The following ANKRD11 variants were observed in gnomAD, a reference collection of about 807,000 sequenced individuals.
ANKRD11 encodes ankyrin repeat domain 11.
ANKRD11 carries 17 observed loss-of-function variants against 195.7 expected under a neutral mutation model. The observed-to-expected ratio is 0.09, with a 90% CI of 0.06 to 0.13. The LOEUF is 0.13. Ranked by LOEUF, ANKRD11 falls within the 10% of genes least tolerant of loss-of-function variation. The probability of loss-of-function intolerance (pLI) is 1.00; values close to 1 mark genes in which losing one functional copy is unlikely to be tolerated. For synonymous variants in ANKRD11, 1,953 were observed against 1,528.1 expected, an observed-to-expected ratio of 1.28 and a Z score of -6.49; for missense variants, 3,735 against 3,566.1, an observed-to-expected ratio of 1.05 and a Z score of -1.21.
In ANKRD11 at chr16:89,281,593, T is replaced by C. The variant is rs1329369405; in HGVS notation, c.4949A>G (p.Lys1650Arg). 4.3e-6 allele frequency: 7 copies of C among 1,614,068 alleles called. No homozygotes were observed. The Admixed American group carries it at 1.2e-4, about 27-fold the overall frequency. Reference protein sequence around the residue: ...KKPPGLDPPFKDKKLKESTPI... With the variant: ...KKPPGLDPPFRDKKLKESTPI... Reference sequence around the variant, plus strand: ...AGTCGACTCTTTGAGCTTTTTGTCTTTAAATGGAGGGTCCAGCCCCGGCGG... The same window carrying C: ...AGTCGACTCTTTGAGCTTTTTGTCTCTAAATGGAGGGTCCAGCCCCGGCGG... Residue 1650 changes from lysine (K) to arginine (R), a missense_variant, in exon 9 of 13, where the codon AAA (lysine) becomes AGA (arginine). By Grantham distance (26) the Lys-to-Arg change is conservative. Transcript: ENST00000301030. This position sits in a 1 kb window ranked among gnomAD's most constrained non-coding sequence, Gnocchi z 5.5.
chr16:89,287,936 T>G (rs1284128579), intron 7 of ANKRD11: 5 of 434,578 alleles, frequency 1.2e-5, no homozygotes, highest in Non-Finnish European at 2.0e-5. Flanking sequence ...CACGGAGCTC[T>G]GATGAAGACA....
chr16:89,422,179 T>A (rs2911253), intron 1 of ANKRD11: 1 of 151,844 alleles, frequency 6.6e-6, no homozygotes, highest in Non-Finnish European at 1.5e-5. Context: ...GAAAGAGCTC[T>A]AGGCCAAACC....
intron 1 of ANKRD11, among the ~76,000 whole-genome samples, chr16:89,481,645 T>C (rs1218601378): frequency 6.6e-6 from 1 of 152,220 alleles, no homozygotes; most frequent in African/African-American, 2.4e-5. Context: ...CACATCATCT[T>C]CTGCCTCAAA....
chr16:89,278,670 C>G (rs571216373), intron 9 of ANKRD11: 2 of 465,080 alleles, frequency 4.3e-6, no homozygotes, highest in Non-Finnish European at 8.5e-6. Flanking sequence ...GGAACCCACG[C>G]GGGTCCAAGG....
intron 3 of ANKRD11, 78 bp from the exon 4 acceptor site, chr16:89,305,422 A>G (rs1400560711): frequency 7.5e-6 from 12 of 1,590,520 alleles, no homozygotes; most frequent in Non-Finnish European, 1.0e-5. Context: ...TTCATATGCC[A>G]GGAGAAGCGC....
rs1597521788 is a variant in ANKRD11 at position 89,474,356 on chromosome 16, C to T, written c.-145+15889G>A. ...CACTGGCCTGGCATGGTGACTCATG[C>T]CTGTAATCCCAGCACTATGGGAGGC... On this transcript the variant is annotated intron_variant, in intron 1 of 12. Coordinates refer to ENST00000301030, the MANE Select transcript of ANKRD11 (RefSeq NM_013275.6). Among the ~76,000 whole-genome samples the T allele has an allele frequency of 2.0e-5, 3 of 152,070 alleles. No homozygotes were observed. In the South Asian group the frequency reaches 6.2e-4, roughly 32 times the overall value.
chr16:89,470,165 C>A (rs1358203089), intron 1 of ANKRD11, among the ~76,000 whole-genome samples: 1 of 151,968 alleles, frequency 6.6e-6, no homozygotes, highest in African/African-American at 2.4e-5. Flanking sequence ...CCCGGCCTCC[C>A]AAAGCGCTGG....
chr16:89,469,784 A>C (rs1354784141), intron 1 of ANKRD11, among the ~76,000 whole-genome samples: 1 of 133,968 alleles, frequency 7.5e-6, no homozygotes. Context: ...CTGTAGTCCC[A>C]GCTACTCGGG....
intron 1 of ANKRD11, among the ~76,000 whole-genome samples, chr16:89,439,053 CAA>C (rs76146550): frequency 2.2e-5 from 3 of 138,346 alleles, no homozygotes; most frequent in Admixed American, 7.2e-5. Flanking sequence ...AAAACAAAAC[CAA>C]AAAAAAAAAA....
chr16:89,446,853 C>T (rs545191188), intron 1 of ANKRD11, among the ~76,000 whole-genome samples: 1 of 152,280 alleles, frequency 6.6e-6, no homozygotes, highest in African/African-American at 2.4e-5. Context: ...GGCACAGAGG[C>T]TCTCGCCAGC....
intron 1 of ANKRD11, among the ~76,000 whole-genome samples, chr16:89,466,190 C>A (rs973591322): frequency 6.6e-6 from 1 of 151,902 alleles, no homozygotes; most frequent in Non-Finnish European, 1.5e-5. Context: ...CTACAAGCAA[C>A]GAGCCCCCAC....
At chr16:89,442,058 A>G (rs1370656534) in intron 1 of ANKRD11, among the ~76,000 whole-genome samples, 1 of 152,252 alleles carries the variant, frequency 6.6e-6, no homozygotes, top group African/African-American at 2.4e-5. Flanking sequence ...AAACTTTTTA[A>G]AAAGTAATAA....
chr16:89,278,981 G>A (rs1445210023), intron 9 of ANKRD11, 91 bp downstream of exon 9: 3 of 1,553,922 alleles, frequency 1.9e-6, no homozygotes, highest in South Asian at 1.2e-5. Flanking sequence ...GGCCATGAGT[G>A]GGACAAGACG....
At chr16:89,461,760 G>A (rs1345799625) in intron 1 of ANKRD11, among the ~76,000 whole-genome samples, 1 of 152,128 alleles carries the variant, frequency 6.6e-6, no homozygotes, top group Admixed American at 6.6e-5. Flanking sequence ...TAAATAAGAA[G>A]AAATGTATCT....
chr16:89,313,247 G>A, intron 3 of ANKRD11: 1 of 1,249,020 alleles, frequency 8.0e-7, no homozygotes, highest in South Asian at 1.3e-5. Context: ...CAGGGTGACT[G>A]TGCCATGGGG....
intron 1 of ANKRD11, among the ~76,000 whole-genome samples, chr16:89,428,386 C>G (rs758066187): frequency 1.3e-5 from 2 of 151,628 alleles, no homozygotes; most frequent in Admixed American, 1.3e-4. Context: ...ATTAGCCAAG[C>G]GTGGTGGCGG....
intron 2 of ANKRD11, chr16:89,361,465 C>A (rs2039729071): frequency 6.6e-6 from 1 of 152,282 alleles, no homozygotes; most frequent in Non-Finnish European, 1.5e-5. Flanking sequence ...AGGGTTTGTG[C>A]CAGTCCACCT....
chr16:89,331,909 T>TG (rs1222030741), intron 2 of ANKRD11, among the ~76,000 whole-genome samples: 2 of 152,206 alleles, frequency 1.3e-5, no homozygotes, highest in Non-Finnish European at 2.9e-5. Context: ...CTCCTGCACG[T>TG]GGGCCCCACA....
chr16:89,281,843 T>C lies in ANKRD11; in HGVS notation c.4699A>G (p.Arg1567Gly). ...TCCCCCAGGAGCTTCTCCCTGGGCC[T>C]GGCGTCTTTCTTGCCTGGGTCTTTG... Reference protein sequence around the residue: ...PSKDPGKKDARPREKLLGDGD... With the variant: ...PSKDPGKKDAGPREKLLGDGD... The change falls in exon 9 of 13, where the codon AGG becomes GGG. Residue 1567 changes from arginine (R) to glycine (G), a missense_variant. Transcript: ENST00000301030. This position sits in a 1 kb window ranked among gnomAD's most constrained non-coding sequence, Gnocchi z 5.5. 6.2e-7 allele frequency: 1 copy of C among 1,614,088 alleles called. No individual in the cohort carries two copies. The highest frequency in any genetic ancestry group is 8.5e-7 in the Non-Finnish European group (1 of 1,180,020).
Sources: allele counts gnomAD v4.1 joint callset (sites outside exome capture counted in the v4.1 genomes callset), GRCh38; gene constraint gnomAD v4.1.1; non-coding constraint Gnocchi (gnomAD v3.1); transcripts MANE v1.5; gene names NCBI Gene and HGNC (gene_info 2026-07-23, HGNC 2026-07-21).